The following MBTD1 variants were observed in gnomAD, a reference collection of about 807,000 sequenced individuals.
The protein encoded by MBTD1 is MBT domain-containing protein 1.
In MBTD1, 24 loss-of-function variants were observed where a neutral mutation model predicts 87.8. The observed-to-expected ratio is 0.27, with a 90% CI of 0.20 to 0.38. MBTD1 has a LOEUF of 0.38. MBTD1 is among the 10% of genes least tolerant of loss of function. The pLI is 1.00. For missense variants in MBTD1, 436 were observed against 760.2 expected, an observed-to-expected ratio of 0.57 and a Z score of 5.02; for synonymous variants, 237 against 248.6, an observed-to-expected ratio of 0.95 and a Z score of 0.44.
At chr17:51,242,799 CTA>C (rs914482081) in intron 2 of MBTD1, among the ~76,000 whole-genome samples, 2 of 152,162 alleles carry the variant, frequency 1.3e-5, no homozygotes, top group African/African-American at 2.4e-5. Flanking sequence ...ATATGTACAG[CTA>C]TATATATGTT....
chr17:51,185,535 T>C (rs2050497434), intron 16 of MBTD1: 1 of 152,266 alleles, frequency 6.6e-6, no homozygotes, highest in South Asian at 2.1e-4. Flanking sequence ...TTTCCAAATT[T>C]GTTATTCAAC....
chr17:51,216,768 G>C (rs1014840050), intron 6 of MBTD1, among the ~76,000 whole-genome samples: 2 of 152,102 alleles, frequency 1.3e-5, no homozygotes, highest in Non-Finnish European at 2.9e-5. Context: ...ATTTTTTGTA[G>C]AAAAGAAGTC....
chr17:51,180,739 A>G (rs1042916244), intron 16 of MBTD1, 45 bp from the exon 17 acceptor site: 1 of 1,009,828 alleles, frequency 9.9e-7, no homozygotes, highest in East Asian at 2.6e-5. Context: ...GGCTCTCTAG[A>G]GTACTCGGAT....
intron 2 of MBTD1, among the ~76,000 whole-genome samples, chr17:51,255,684 C>G (rs1202241922): frequency 2.7e-5 from 4 of 150,860 alleles, no homozygotes. Context: ...CAACCTGGGT[C>G]TCCCACCAGA....
chr17:51,180,985 CAA>C (rs1406508536), intron 16 of MBTD1, among the ~76,000 whole-genome samples: 2 of 149,054 alleles, frequency 1.3e-5, no homozygotes, highest in South Asian at 2.1e-4. Flanking sequence ...TTTGTACAAA[CAA>C]TGATGTAGTT....
At chr17:51,230,040 C>G (rs2053464611) in intron 2 of MBTD1, among the ~76,000 whole-genome samples, 1 of 152,200 alleles carries the variant, frequency 6.6e-6, no homozygotes, top group African/African-American at 2.4e-5. Flanking sequence ...AATTATTCCT[C>G]CTGTTCCCTG....
intron 13 of MBTD1, among the ~76,000 whole-genome samples, chr17:51,194,280 C>A (rs1568155819): frequency 6.6e-6 from 1 of 152,098 alleles, no homozygotes. Flanking sequence ...TTTTAAAAGT[C>A]CACATAGGGC....
rs1300549461 is a variant in MBTD1, at chr17:51,259,565, G to A, written c.-113+270C>T. Among the ~76,000 whole-genome samples, 5 of 152,138 alleles carry A rather than the reference G, an allele frequency of 3.3e-5. No homozygotes were observed. The East Asian group carries it at 9.7e-4, about 29-fold the overall frequency. On this transcript the variant is annotated intron_variant, in intron 1 of 16. Transcript: ENST00000586178. The stretch of plus-strand genomic sequence containing the variant: ...GAGCAGGGGGCGGGGGCAGGACGCA[G>A]AGAAAAACTTTCTTCTCGAATTTTT...
intron 16 of MBTD1, among the ~76,000 whole-genome samples, chr17:51,188,753 GTTTTTTT>G (rs767959315): frequency 1.3e-4 from 14 of 108,886 alleles, no homozygotes; most frequent in Non-Finnish European, 1.7e-4. Flanking sequence ...ATTCAAATAG[GTTTTTTT>G]TTTTTTTTTT....
intron 3 of MBTD1, among the ~76,000 whole-genome samples, chr17:51,221,359 C>T (rs1432923160): frequency 2.0e-5 from 3 of 152,130 alleles, no homozygotes; most frequent in African/African-American, 7.2e-5. Flanking sequence ...CGTAGGTGCT[C>T]TATTATTAAT....
intron 12 of MBTD1, among the ~76,000 whole-genome samples, chr17:51,201,007 G>A (rs1173760475): frequency 2.0e-5 from 3 of 151,996 alleles, no homozygotes; most frequent in Non-Finnish European, 4.4e-5. Flanking sequence ...AAGAAAATTA[G>A]CCAGGCATGA....
intron 2 of MBTD1, among the ~76,000 whole-genome samples, chr17:51,248,377 G>A (rs929545638): frequency 6.6e-6 from 1 of 152,126 alleles, no homozygotes; most frequent in Non-Finnish European, 1.5e-5. Context: ...CTGGTATGTA[G>A]TATTATGTAG....
intron 2 of MBTD1, among the ~76,000 whole-genome samples, chr17:51,230,621 C>T (rs1200850689): frequency 6.6e-6 from 1 of 152,124 alleles, no homozygotes; most frequent in African/African-American, 2.4e-5. Context: ...ACTTAAATAT[C>T]TGATGCTGGC....
chr17:51,254,375 G>C lies in MBTD1; in HGVS notation c.-49+4768C>G, dbSNP rs114096613. On this transcript the variant is annotated intron_variant, in intron 2 of 16. Coordinates refer to ENST00000586178, the MANE Select transcript of MBTD1 (RefSeq NM_017643.3). ...TAAATGGTAAGGATTTGGGATTACT[G>C]AGTTTTTATTTCCCACAAATTCAAT... Among the ~76,000 whole-genome samples, 397 of 152,256 alleles carry C rather than the reference G, an allele frequency of 2.6e-3. 3 individuals are homozygous for C. Among genetic ancestry groups the C allele is most frequent in the African/African-American group, 9.2e-3 (383 of 41,560 alleles).
At chr17:51,207,507 G>A (rs1325571425) in intron 6 of MBTD1, among the ~76,000 whole-genome samples, 1 of 152,166 alleles carries the variant, frequency 6.6e-6, no homozygotes, top group African/African-American at 2.4e-5. Context: ...CCACATAGAT[G>A]GACGTGAGGG....
intron 2 of MBTD1, among the ~76,000 whole-genome samples, chr17:51,229,798 T>C (rs1041633472): frequency 2.0e-5 from 3 of 151,850 alleles, no homozygotes; most frequent in Non-Finnish European, 4.4e-5. Flanking sequence ...GTAGATGGGA[T>C]TACAGGCGCC....
intron 5 of MBTD1, 40 bp downstream of exon 5, chr17:51,218,890 A>G (rs1417167944): frequency 6.2e-6 from 7 of 1,128,966 alleles, no homozygotes; most frequent in East Asian, 2.6e-5. Context: ...AAATGAATCA[A>G]TGTCATATAT....
At chr17:51,192,118 G>T in intron 16 of MBTD1, 85 bp downstream of exon 16, 2 of 980,434 alleles carry the variant, frequency 2.0e-6, no homozygotes, top group Non-Finnish European at 1.6e-6. Context: ...GTTCTCACAA[G>T]ATATATCATT....
intron 14 of MBTD1, 135 bp downstream of exon 14, chr17:51,193,293 T>C (rs1005608616): frequency 1.4e-4 from 88 of 645,050 alleles, no homozygotes; most frequent in Non-Finnish European, 2.0e-4. Context: ...TTTATATTGT[T>C]TCATTGCTAT....
Sources: allele counts gnomAD v4.1 joint callset (sites outside exome capture counted in the v4.1 genomes callset), GRCh38; gene constraint gnomAD v4.1.1; transcripts MANE v1.5; gene names NCBI Gene and HGNC (gene_info 2026-07-23, HGNC 2026-07-21).